Variants in ATP6V1E1 observed in about 807,000 individuals in gnomAD.
ATP6V1E1 encodes V-type proton ATPase subunit E 1.
ATP6V1E1 carries 21 observed loss-of-function variants against 35.2 expected under a neutral mutation model. The ratio of observed to expected loss-of-function variants is 0.60; its 90% confidence interval spans 0.42 to 0.86. The LOEUF (loss-of-function observed/expected upper bound fraction) is 0.86. ATP6V1E1 is among the 40% of genes least tolerant of loss of function. The probability of loss-of-function intolerance (pLI) is 0.00; values close to 1 mark genes in which losing one functional copy is unlikely to be tolerated. For synonymous variants in ATP6V1E1, 83 were observed against 87.8 expected (o/e 0.95, Z 0.30); for missense variants, 183 against 272.6 (o/e 0.67, Z 2.32).
intron 1 of ATP6V1E1, among the ~76,000 whole-genome samples, chr22:17,626,169 T>C (rs1367660543): frequency 6.6e-6 from 1 of 151,368 alleles, no homozygotes; most frequent in African/African-American, 2.4e-5. Context: ...TAGCCAGGCG[T>C]GGTGGCGGGC....
At chr22:17,622,267 G>A (rs375480915) in intron 1 of ATP6V1E1, among the ~76,000 whole-genome samples, 18,826 of 152,150 alleles carry the variant, frequency 0.12, 1,591 homozygotes, top group Non-Finnish European at 0.18. Context: ...TTATGCCAGT[G>A]TGAACCCAGA....
intron 4 of ATP6V1E1, among the ~76,000 whole-genome samples, chr22:17,601,583 A>G (rs2057762223): frequency 6.6e-6 from 1 of 152,170 alleles, no homozygotes; most frequent in Non-Finnish European, 1.5e-5. Flanking sequence ...TACCTTTGGA[A>G]GGCCAGATTA....
At chr22:17,625,113 T>A (rs908228944) in intron 1 of ATP6V1E1, among the ~76,000 whole-genome samples, 17 of 152,186 alleles carry the variant, frequency 1.1e-4, no homozygotes, top group African/African-American at 3.9e-4. Flanking sequence ...TATGATTTCT[T>A]AAACTTCTCC....
At chr22:17,615,356 G>A (rs766997352) in intron 2 of ATP6V1E1, among the ~76,000 whole-genome samples, 2 of 151,836 alleles carry the variant, frequency 1.3e-5, no homozygotes, top group Admixed American at 1.3e-4. Context: ...TTTATTATAC[G>A]TAAACAGGCC....
chr22:17,627,022 C>A (rs2057910985), intron 1 of ATP6V1E1, among the ~76,000 whole-genome samples: 1 of 151,836 alleles, frequency 6.6e-6, no homozygotes, highest in South Asian at 2.1e-4. Context: ...TGGAGTCTCA[C>A]TCTGTCACCC....
intron 2 of ATP6V1E1, among the ~76,000 whole-genome samples, chr22:17,613,753 G>A (rs558133476): frequency 6.0e-5 from 9 of 151,016 alleles, no homozygotes; most frequent in African/African-American, 2.2e-4. Flanking sequence ...GGATCACGAG[G>A]TCAGGAGATC....
At chr22:17,601,036 T>C in intron 5 of ATP6V1E1, 56 bp downstream of exon 5, 1 of 1,433,064 alleles carries the variant, frequency 7.0e-7, no homozygotes. Flanking sequence ...CTAATAGGCA[T>C]TCTAAATTTT....
chr22:17,595,940 C>A (rs1436569085), intron 7 of ATP6V1E1, among the ~76,000 whole-genome samples: 1 of 151,758 alleles, frequency 6.6e-6, no homozygotes, highest in African/African-American at 2.4e-5. Flanking sequence ...ACAATCCTGG[C>A]TAACAAGGTG....
intron 2 of ATP6V1E1, among the ~76,000 whole-genome samples, chr22:17,613,716 C>T (rs1784415963): frequency 6.6e-6 from 1 of 151,970 alleles, no homozygotes; most frequent in African/African-American, 2.4e-5. Context: ...GCCTATAATC[C>T]CAATACTTTG....
At chr22:17,615,637 C>T (rs1041011763) in intron 2 of ATP6V1E1, among the ~76,000 whole-genome samples, 2 of 151,812 alleles carry the variant, frequency 1.3e-5, no homozygotes, top group Non-Finnish European at 2.9e-5. Flanking sequence ...AGGTGGCTCA[C>T]GCCTGCAATC....
chr22:17,598,788 CA>C (rs1336511263), intron 6 of ATP6V1E1, among the ~76,000 whole-genome samples: 1 of 152,182 alleles, frequency 6.6e-6, no homozygotes, highest in Non-Finnish European at 1.5e-5. Context: ...ATGAAGTACA[CA>C]ATTACCACAT....
chr22:17,626,292 A>T (rs1419444469), intron 1 of ATP6V1E1, among the ~76,000 whole-genome samples: 1 of 139,436 alleles, frequency 7.2e-6, no homozygotes, highest in East Asian at 2.2e-4. Flanking sequence ...TGGGCAACAG[A>T]GCGAGACTTC....
intron 8 of ATP6V1E1, 109 bp from the exon 9 acceptor site, chr22:17,592,845 C>G: frequency 9.8e-7 from 1 of 1,024,262 alleles, no homozygotes; most frequent in Non-Finnish European, 1.5e-6. Context: ...CTCTGTCGCC[C>G]AGGCTGGAGT....
At chr22:17,603,279 T>A (rs1330958189) in intron 4 of ATP6V1E1, among the ~76,000 whole-genome samples, 3 of 151,970 alleles carry the variant, frequency 2.0e-5, no homozygotes, top group African/African-American at 7.3e-5. Context: ...CAGTCTTTAA[T>A]GGGAGGCATA....
intron 2 of ATP6V1E1, among the ~76,000 whole-genome samples, chr22:17,618,856 C>T (rs1394446437): frequency 6.6e-6 from 1 of 151,486 alleles, no homozygotes; most frequent in Non-Finnish European, 1.5e-5. Flanking sequence ...AAAAATTAGA[C>T]AGGTGTGACG....
At chr22:17,601,944 G>T (rs2146299802) in intron 4 of ATP6V1E1, among the ~76,000 whole-genome samples, 1 of 151,576 alleles carries the variant, frequency 6.6e-6, no homozygotes, top group South Asian at 2.1e-4. Context: ...TTGCTCTGTT[G>T]CCCAGGCTGC....
intron 3 of ATP6V1E1, 143 bp downstream of exon 3, chr22:17,613,068 G>T: frequency 1.1e-6 from 1 of 900,836 alleles, no homozygotes; most frequent in Non-Finnish European, 1.7e-6. Flanking sequence ...TTTCACAAAT[G>T]AAGAAAGAGA....
At chr22:17,626,131 C>G (rs1160329901) in intron 1 of ATP6V1E1, among the ~76,000 whole-genome samples, 2 of 151,444 alleles carry the variant, frequency 1.3e-5, no homozygotes, top group Non-Finnish European at 2.9e-5. Flanking sequence ...ACAGTGAAAC[C>G]CCATCTCTAA....
intron 1 of ATP6V1E1, among the ~76,000 whole-genome samples, chr22:17,626,126 GA>G (rs1300699046): frequency 6.6e-6 from 1 of 151,754 alleles, no homozygotes; most frequent in Non-Finnish European, 1.5e-5. Flanking sequence ...CTAATACAGT[GA>G]AACCCCATCT....
Sources: allele counts gnomAD v4.1 joint callset (sites outside exome capture counted in the v4.1 genomes callset), GRCh38; gene constraint gnomAD v4.1.1; transcripts MANE v1.5; gene names NCBI Gene and HGNC (gene_info 2026-07-23, HGNC 2026-07-21).